Variants in DNASE1 observed in about 807,000 individuals in gnomAD.
DNASE1 encodes deoxyribonuclease 1.
DNASE1 carries 40 observed loss-of-function variants against 33.9 expected under a neutral mutation model. The ratio of observed to expected loss-of-function variants is 1.18; its 90% CI spans 0.92 to 1.54. The LOEUF is 1.54. Ranked by LOEUF, DNASE1 falls within the 40% of genes most tolerant of loss-of-function variation. The pLI, the probability that DNASE1 is intolerant of heterozygous loss-of-function variation, is 0.00. For missense variants in DNASE1, 518 were observed against 372.6 expected (o/e 1.39, Z -3.21); for synonymous variants, 216 against 160.0 (o/e 1.35, Z -2.64).
intron 1 of DNASE1, among the ~76,000 whole-genome samples, chr16:3,645,638 G>C (rs1246388361): frequency 6.6e-6 from 1 of 152,230 alleles, no homozygotes; most frequent in Non-Finnish European, 1.5e-5. Flanking sequence ...ACACCTCGTG[G>C]AAGGCAGAAG....
At chr16:3,656,896 A>G in intron 5 of DNASE1, 103 bp from the exon 6 acceptor site, 1 of 1,548,096 alleles carries the variant, frequency 6.5e-7, no homozygotes, top group Non-Finnish European at 8.7e-7. Context: ...TTTGGAAAAT[A>G]TCCACCCCCC....
intron 1 of DNASE1, among the ~76,000 whole-genome samples, chr16:3,612,488 T>G (rs1472297259): frequency 2.0e-5 from 3 of 149,854 alleles, no homozygotes; most frequent in African/African-American, 7.4e-5. Context: ...TGACCTCAGG[T>G]GATCCGCCCG....
chr16:3,656,284 A>T (rs903460883), intron 4 of DNASE1, 99 bp downstream of exon 4: 1 of 1,303,490 alleles, frequency 7.7e-7, no homozygotes, highest in Non-Finnish European at 1.1e-6. Flanking sequence ...TATGGCAAGA[A>T]CCTGAGGCTT....
intron 1 of DNASE1, among the ~76,000 whole-genome samples, chr16:3,622,713 C>T (rs543124174): frequency 5.1e-4 from 78 of 152,264 alleles, no homozygotes; most frequent in Middle Eastern, 6.8e-3. Flanking sequence ...CAGCCTCCCA[C>T]GTAGCTGGGA....
At chr16:3,646,930 A>G (rs2042190067) in intron 1 of DNASE1, among the ~76,000 whole-genome samples, 1 of 152,024 alleles carries the variant, frequency 6.6e-6, no homozygotes, top group Non-Finnish European at 1.5e-5. Flanking sequence ...ATGAGCAGGG[A>G]AGGCCAAGGA....
chr16:3,662,945 C>T, downstream of DNASE1: 1 of 1,612,270 alleles, frequency 6.2e-7, no homozygotes, highest in South Asian at 1.1e-5. Flanking sequence ...CCTCCGTCTC[C>T]TTCTCTGATA....
rs1172408138 is a variant in DNASE1 at position 3,664,136 on chromosome 16, C to G, written c.*6183C>G. On this transcript the variant is annotated 3_prime_UTR_variant, in exon 10 of 10. Transcript: ENST00000407479. ...GAAACAGCCGTCACAGTCGGTCCGG[C>G]CTCTGTGCCCGTGACCCTGACCCAC... 4.5e-6 allele frequency: 4 copies of G among 892,990 alleles called. No individual in the cohort carries two copies. In the African/African-American group the frequency reaches 6.9e-5, roughly 15 times the overall value. 55.3% of individuals were successfully genotyped at this position (892,990 alleles called of 1,614,324 possible).
At chr16:3,650,325 C>G (rs1361416899), upstream of DNASE1, among the ~76,000 whole-genome samples, 1 of 152,056 alleles carries the variant, frequency 6.6e-6, no homozygotes, top group Admixed American at 6.6e-5. Context: ...GTATCAATTT[C>G]AGAAGGAAAC....
chr16:3,619,675 A>G (rs1034831710), intron 1 of DNASE1, among the ~76,000 whole-genome samples: 1 of 149,686 alleles, frequency 6.7e-6, no homozygotes, highest in East Asian at 2.0e-4. Context: ...GTAGGTAATT[A>G]AAAAAAAAAT....
At chr16:3,627,360 TG>T (rs1396760119) in intron 1 of DNASE1, among the ~76,000 whole-genome samples, 2 of 151,892 alleles carry the variant, frequency 1.3e-5, no homozygotes, top group Non-Finnish European at 2.9e-5. Context: ...ACTGCAGCAT[TG>T]AACTCTAGCT....
exon 10 of DNASE1, chr16:3,664,286 C>T (rs1337293221): frequency 6.3e-7 from 1 of 1,584,880 alleles, no homozygotes; most frequent in Non-Finnish European, 8.6e-7. Flanking sequence ...CTGTGTCTTT[C>T]TTCTTCATGG....
At chr16:3,636,162 A>G (rs2158442) in intron 1 of DNASE1, among the ~76,000 whole-genome samples, 1 of 150,184 alleles carries the variant, frequency 6.7e-6, no homozygotes, top group Admixed American at 6.6e-5. Flanking sequence ...GGAAGTTGCT[A>G]CTGACATTTT....
chr16:3,663,775 T>TA (rs1490642593), exon 10 of DNASE1: 25 of 592,740 alleles, frequency 4.2e-5, no homozygotes, highest in Admixed American at 6.1e-5. Context: ...ACTCCACGCA[T>TA]AAAGAAATCC....
At chr16:3,656,252 A>T in intron 4 of DNASE1, 67 bp downstream of exon 4, 2 of 1,522,730 alleles carry the variant, frequency 1.3e-6, no homozygotes, top group Non-Finnish European at 1.8e-6. Flanking sequence ...GCAGGGAAGT[A>T]GTTTGTCCTA....
At chr16:3,664,655 T>TG in exon 10 of DNASE1, 1 of 593,724 alleles carries the variant, frequency 1.7e-6, no homozygotes, top group South Asian at 2.4e-5. Flanking sequence ...TTGGGAGCTC[T>TG]GGGGGCTTAG....
At position 3,635,326 on chromosome 16, in the gene DNASE1, C is replaced by T. The variant is rs939522145; in HGVS notation, c.-1358-5389C>T. Among the ~76,000 whole-genome samples, 4 of 151,686 alleles carry T rather than the reference C, an allele frequency of 2.6e-5. No individual in the cohort carries two copies. The East Asian group carries it at 5.8e-4, about 22-fold the overall frequency. On this transcript the variant is annotated intron_variant and NMD_transcript_variant, in intron 1 of 11. Transcript: ENST00000570769. ...TAAAAAAATTAGCTGTGCGTGGTGGCGTGTGCCTATAATCCCAGCTACTCA... is the reference window on the plus strand; with the variant it reads ...TAAAAAAATTAGCTGTGCGTGGTGGTGTGTGCCTATAATCCCAGCTACTCA...
intron 1 of DNASE1, among the ~76,000 whole-genome samples, chr16:3,614,074 G>A (rs1011971514): frequency 6.6e-6 from 1 of 152,026 alleles, no homozygotes; most frequent in Non-Finnish European, 1.5e-5. Context: ...CACCACACCT[G>A]GCTAATTTTT....
At chr16:3,642,975 A>C (rs1040044701) in exon 1 of DNASE1, 2 of 153,030 alleles carry the variant, frequency 1.3e-5, no homozygotes, top group African/African-American at 4.8e-5. Flanking sequence ...CACCGTTCAG[A>C]AGGCCCCAGC....
At chr16:3,654,545 C>T (rs994636801), upstream of DNASE1, 1 of 398,678 alleles carries the variant, frequency 2.5e-6, no homozygotes, top group African/African-American at 2.1e-5. Context: ...AGACTGGAGC[C>T]CAGCCCCACC....
Sources: gnomAD v4.1 joint callset for allele counts (sites outside exome capture counted in the v4.1 genomes callset) on GRCh38, gnomAD v4.1.1 for gene constraint, MANE v1.5 for transcripts, NCBI Gene and HGNC (gene_info 2026-07-23, HGNC 2026-07-21) for gene names.